CAST: variants seen among roughly 807,000 people sequenced by gnomAD.
CAST encodes calpastatin.
In CAST, 76 loss-of-function variants were observed where a neutral mutation model predicts 119.6. That is an observed-to-expected ratio of 0.64 (90% CI 0.53 to 0.77). The LOEUF (loss-of-function observed/expected upper bound fraction) is 0.77, where lower values mean the gene tolerates loss of function less well. CAST is among the 30% of genes least tolerant of loss of function. The pLI, the probability that CAST is intolerant of heterozygous loss-of-function variation, is 0.00. For synonymous variants in CAST, 319 were observed against 331.6 expected (o/e 0.96, Z 0.41); for missense variants, 953 against 946.5 (o/e 1.01, Z -0.09).
the CAST span, among the ~76,000 whole-genome samples, chr5:96,228,317 C>T: frequency 4.4e-3 from 663 of 152,262 alleles, 4 homozygotes; most frequent in Admixed American, 8.0e-3. Flanking sequence ...TTCTGTTACT[C>T]ATACCTCTGT....
chr5:96,202,953 G>T, the CAST span, among the ~76,000 whole-genome samples: 312 of 151,822 alleles, frequency 2.1e-3, 1 homozygote, highest in African/African-American at 7.0e-3. Context: ...GATTTTTCTT[G>T]CAAAAATAAT....
At chr5:96,108,965 T>C in the CAST span, among the ~76,000 whole-genome samples, 12 of 152,254 alleles carry the variant, frequency 7.9e-5, no homozygotes, top group African/African-American at 1.2e-4. Context: ...GCGCAGTATT[T>C]GGGTGGGAGT....
At chr5:95,970,345 A>C in the CAST span, 1 of 152,236 alleles carries the variant, frequency 6.6e-6, no homozygotes, top group African/African-American at 2.4e-5. Context: ...AAGTAAGCAG[A>C]GAGATGAATG....
the CAST span, among the ~76,000 whole-genome samples, chr5:96,171,141 G>A: frequency 4.6e-5 from 7 of 152,276 alleles, no homozygotes; most frequent in East Asian, 1.9e-4. Context: ...ATGCCTGGAC[G>A]TCAGGCACCT....
the CAST span, among the ~76,000 whole-genome samples, chr5:95,981,705 C>T: frequency 6.6e-6 from 1 of 152,152 alleles, no homozygotes; most frequent in East Asian, 1.9e-4. Context: ...GAAACCCCAT[C>T]TCTACTAAAA....
At chr5:96,039,144 A>T in the CAST span, among the ~76,000 whole-genome samples, 1 of 151,996 alleles carries the variant, frequency 6.6e-6, no homozygotes, top group Non-Finnish European at 1.5e-5. Flanking sequence ...ATTTTTTCAT[A>T]TATCTGTTGG....
At chr5:96,221,287 A>G in the CAST span, among the ~76,000 whole-genome samples, 79 of 152,142 alleles carry the variant, frequency 5.2e-4, no homozygotes, top group Admixed American at 3.0e-3. Context: ...CAAGAGAAAA[A>G]AATAAAGGGC....
At chr5:96,515,957 T>C in the CAST span, among the ~76,000 whole-genome samples, 4 of 151,026 alleles carry the variant, frequency 2.6e-5, no homozygotes, top group African/African-American at 9.8e-5. Context: ...TCTAGACTTC[T>C]AGTGAGACAT....
At chr5:96,730,740 G>C in intron 8 of CAST, 40 bp from the exon 9 acceptor site, 1 of 1,421,710 alleles carries the variant, frequency 7.0e-7, no homozygotes, top group Non-Finnish European at 1.0e-6. Context: ...GCCATGCAGA[G>C]ATACTTAGCT....
At chr5:96,376,155 T>A in the CAST span, among the ~76,000 whole-genome samples, 2 of 151,216 alleles carry the variant, frequency 1.3e-5, no homozygotes, top group Admixed American at 6.6e-5. Flanking sequence ...ATAACAACAT[T>A]TCAGCCAGTA....
chr5:96,511,606 G>C, the CAST span, among the ~76,000 whole-genome samples: 1 of 152,166 alleles, frequency 6.6e-6, no homozygotes, highest in South Asian at 2.1e-4. Context: ...CAACACTCCA[G>C]GGGAAAGTCT....
intron 29 of CAST, chr5:96,769,032 G>A (rs1771134149): frequency 6.6e-6 from 1 of 152,218 alleles, no homozygotes; most frequent in Admixed American, 6.5e-5. Context: ...AGAAACAACT[G>A]TGTAATTCAA....
intron 1 of CAST, among the ~76,000 whole-genome samples, chr5:96,587,346 T>C (rs1208706474): frequency 1.3e-5 from 2 of 152,094 alleles, no homozygotes; most frequent in African/African-American, 4.8e-5. Context: ...CATTCAAGAG[T>C]AACATGCTAG....
the CAST span, among the ~76,000 whole-genome samples, chr5:96,516,451 T>C: frequency 1.7e-4 from 26 of 152,298 alleles, no homozygotes; most frequent in East Asian, 4.8e-3. Flanking sequence ...CAAAGAAGCA[T>C]GTTGATGCAT....
At chr5:96,705,007 T>G (rs1034927591) in intron 3 of CAST, among the ~76,000 whole-genome samples, 1 of 152,176 alleles carries the variant, frequency 6.6e-6, no homozygotes, top group African/African-American at 2.4e-5. Context: ...TACATCCAAT[T>G]TTTTAAAATT....
chr5:96,090,875 C>T, the CAST span, among the ~76,000 whole-genome samples: 3 of 151,490 alleles, frequency 2.0e-5, no homozygotes, highest in South Asian at 6.3e-4. Context: ...CAGATGCTGC[C>T]GAAGCTTGAG....
At chr5:96,337,909 C>T in the CAST span, among the ~76,000 whole-genome samples, 4 of 152,184 alleles carry the variant, frequency 2.6e-5, no homozygotes, top group African/African-American at 9.6e-5. Flanking sequence ...ACATTTTGAA[C>T]ACATATAAAA....
At chr5:96,031,928 C>T in the CAST span, among the ~76,000 whole-genome samples, 1 of 152,108 alleles carries the variant, frequency 6.6e-6, no homozygotes, top group Non-Finnish European at 1.5e-5. Context: ...GCTAGGACTG[C>T]AGTCATCTCA....
At chr5:96,211,621 T>C in the CAST span, among the ~76,000 whole-genome samples, 2 of 152,040 alleles carry the variant, frequency 1.3e-5, no homozygotes, top group Non-Finnish European at 2.9e-5. Context: ...ACTATCTCCC[T>C]ATGATTTTGA....
Sources: allele counts gnomAD v4.1 joint callset (sites outside exome capture counted in the v4.1 genomes callset), GRCh38; gene constraint gnomAD v4.1.1; transcripts MANE v1.5; gene names NCBI Gene and HGNC (gene_info 2026-07-23, HGNC 2026-07-21).